The following PARD3B variants were observed in gnomAD, a reference collection of about 807,000 sequenced individuals.
PARD3B encodes the protein par-3 family cell polarity regulator beta.
Under a neutral mutation model 130.2 loss-of-function variants are expected in PARD3B, and 103 were observed. The observed-to-expected ratio is 0.79, with a 90% confidence interval of 0.67 to 0.93. PARD3B has a LOEUF of 0.93. Ranked by LOEUF, PARD3B falls within the 40% of genes least tolerant of loss-of-function variation. The pLI is 0.00. For synonymous variants in PARD3B, 583 were observed against 553.2 expected (o/e 1.05, Z -0.76); for missense variants, 1,609 against 1,499.2 (o/e 1.07, Z -1.21).
intron 1 of PARD3B, among the ~76,000 whole-genome samples, chr2:204,672,766 T>A (rs185128452): frequency 4.7e-4 from 72 of 152,288 alleles, no homozygotes; most frequent in African/African-American, 1.7e-3. Context: ...TTTTATTCTT[T>A]CCCAAGCCCA....
chr2:205,348,352 T>C (rs1051287820), intron 18 of PARD3B, among the ~76,000 whole-genome samples: 2 of 152,222 alleles, frequency 1.3e-5, no homozygotes, highest in Admixed American at 1.3e-4. Flanking sequence ...TCTCAATGTT[T>C]CAGCAACATG....
rs1030333737 is a variant in PARD3B at position 205,274,889 on chromosome 2, A to G, written c.2186-25641A>G. 1.3e-5 allele frequency among the ~76,000 whole-genome samples: 2 copies of G among 152,112 alleles called. No homozygotes were observed. The highest frequency in any genetic ancestry group is 2.9e-5 in the Non-Finnish European group (2 of 68,006). ...AAAACTGGTAAAAAGCAGAATTGTC[A>G]TTTTACTAAATATTCTTTCTTCAGC... On this transcript the variant is annotated intron_variant, in intron 16 of 22. Coordinates refer to ENST00000406610, the MANE Select transcript of PARD3B (RefSeq NM_001302769.2). The surrounding 1 kb of genome is among the most constrained non-coding windows in gnomAD (Gnocchi z 4.2).
intron 2 of PARD3B, among the ~76,000 whole-genome samples, chr2:204,880,681 A>AAAAC (rs2046011343): frequency 1.4e-5 from 2 of 145,092 alleles, no homozygotes; most frequent in Non-Finnish European, 3.0e-5. Flanking sequence ...AAAAAAAAAA[A>AAAAC]ATACAGCAGA....
intron 1 of PARD3B, among the ~76,000 whole-genome samples, chr2:204,555,326 G>A (rs1321728534): frequency 1.3e-5 from 2 of 152,114 alleles, no homozygotes; most frequent in African/African-American, 4.8e-5. Flanking sequence ...TGGGGGCTGA[G>A]GTGGGCGAAT....
Position 205,363,453 on chromosome 2 carries a change from C to T in PARD3B, c.2631-37560C>T, listed in dbSNP as rs535601333. Among the ~76,000 whole-genome samples, 15 of 152,216 alleles carry T rather than the reference C, an allele frequency of 9.9e-5. No individual in the cohort carries two copies. In the South Asian group the frequency reaches 2.1e-3, roughly 21 times the overall value. On this transcript the variant is annotated intron_variant, in intron 18 of 22. Coordinates refer to ENST00000406610, the MANE Select transcript of PARD3B (RefSeq NM_001302769.2). ...AGGTCAACAAATTGACTAAGACATA[C>T]GAAGCATTTAGTATAGTGCCCAGCA...
chr2:205,044,737 T>A (rs1468349899), intron 3 of PARD3B, among the ~76,000 whole-genome samples: 1 of 152,166 alleles, frequency 6.6e-6, no homozygotes, highest in African/African-American at 2.4e-5. Flanking sequence ...GAAAATTTTC[T>A]CCCATTTTGT....
At chr2:205,273,026 C>T (rs1465282928) in intron 16 of PARD3B, among the ~76,000 whole-genome samples, 6 of 152,022 alleles carry the variant, frequency 3.9e-5, no homozygotes, top group Non-Finnish European at 7.4e-5. Context: ...TCAGTTTTTC[C>T]CCTAAATTTA....
At chr2:205,195,105 T>C (rs1227844382) in intron 15 of PARD3B, among the ~76,000 whole-genome samples, 1 of 152,092 alleles carries the variant, frequency 6.6e-6, no homozygotes, top group African/African-American at 2.4e-5. Context: ...AGCCGTTTTG[T>C]TTACATTTTT....
chr2:205,121,650 C>T lies in PARD3B; in HGVS notation c.866C>T (p.Pro289Leu). 2 of 1,614,180 alleles carry T rather than the reference C, an allele frequency of 1.2e-6. No homozygotes were observed. Among genetic ancestry groups the T allele is most frequent in the South Asian group, 1.1e-5 (1 of 91,078 alleles). ...CCAAGTGTGCTCCTCCACGTGCTTC[C>T]TCCACAAAACCGTGAACAGTATGAA... ...KSPSVLLHVL[P>L]PQNREQYEKS... The change falls in exon 8 of 23, where the codon CCT (proline) becomes CTT (leucine). Residue 289 changes from proline to leucine, a missense_variant. By Grantham distance (98) the Pro-to-Leu change is moderately conservative. Transcript: ENST00000406610. This position sits in a 1 kb window ranked among gnomAD's most constrained non-coding sequence, Gnocchi z 5.0.
intron 2 of PARD3B, among the ~76,000 whole-genome samples, chr2:204,864,549 C>G (rs1478771124): frequency 6.6e-6 from 1 of 152,130 alleles, no homozygotes; most frequent in African/African-American, 2.4e-5. Context: ...CAAAGTCCCC[C>G]TATTCAAAGA....
intron 3 of PARD3B, among the ~76,000 whole-genome samples, chr2:204,998,335 T>TACATATATATATATATAC (rs1361578552): frequency 3.2e-5 from 2 of 62,266 alleles, no homozygotes; most frequent in Non-Finnish European, 2.9e-5. Flanking sequence ...TATATATATA[T>TACATATATATATATATAC]ATATATATAT....
chr2:205,588,701 C>T (rs1429366701), intron 22 of PARD3B, among the ~76,000 whole-genome samples: 1 of 152,140 alleles, frequency 6.6e-6, no homozygotes, highest in East Asian at 1.9e-4. Context: ...AAAATTGATA[C>T]ATTTATTGTA....
chr2:204,864,861 C>T (rs566129443), intron 2 of PARD3B, among the ~76,000 whole-genome samples: 68 of 152,250 alleles, frequency 4.5e-4, no homozygotes, highest in African/African-American at 1.6e-3. Flanking sequence ...ACCAATAACA[C>T]TCTTCTGATG....
intron 2 of PARD3B, among the ~76,000 whole-genome samples, chr2:204,732,903 C>A (rs898589720): frequency 6.6e-6 from 1 of 152,196 alleles, no homozygotes; most frequent in African/African-American, 2.4e-5. Flanking sequence ...TCTGGACAGA[C>A]TTCACAATTG....
intron 21 of PARD3B, among the ~76,000 whole-genome samples, chr2:205,523,241 A>G (rs1039895613): frequency 1.4e-4 from 20 of 145,322 alleles, no homozygotes; most frequent in African/African-American, 3.3e-4. Context: ...ATATATATAT[A>G]TTTATATATA....
At chr2:205,109,524 A>G (rs953270623) in intron 5 of PARD3B, among the ~76,000 whole-genome samples, 5 of 152,214 alleles carry the variant, frequency 3.3e-5, no homozygotes, top group Non-Finnish European at 5.9e-5. Flanking sequence ...AGTTCTAACA[A>G]TCATACTAAT....
chr2:205,610,301 G>A (rs929492785), intron 22 of PARD3B, among the ~76,000 whole-genome samples: 1 of 152,136 alleles, frequency 6.6e-6, no homozygotes, highest in Non-Finnish European at 1.5e-5. Flanking sequence ...TGTAACTATG[G>A]TCATCACACC....
In PARD3B at chr2:205,300,816, A is replaced by G; in HGVS notation, c.2392+80A>G. 7.5e-7 allele frequency: 1 copy of G among 1,337,702 alleles called. No homozygotes were observed. The highest frequency in any genetic ancestry group is 1.3e-5 in the South Asian group (1 of 74,838). 82.9% of individuals were successfully genotyped at this position (1,337,702 alleles called of 1,614,324 possible). A position where few individuals can be genotyped will look rare whatever the true frequency, so the allele number is the denominator to read the frequency against. On this transcript the variant is annotated intron_variant, in intron 17 of 22. Coordinates refer to ENST00000406610, the MANE Select transcript of PARD3B (RefSeq NM_001302769.2). The surrounding 1 kb of genome is among the most constrained non-coding windows in gnomAD (Gnocchi z 4.1). ...CATGGGCAAGAATGTGTGCTCAACT[A>G]CAGAAAAAAATGATTTAAGGATCAC...
intron 18 of PARD3B, among the ~76,000 whole-genome samples, chr2:205,383,145 TCTAA>T (rs2045543193): frequency 7.7e-6 from 1 of 129,502 alleles, no homozygotes; most frequent in Non-Finnish European, 1.8e-5. Flanking sequence ...GATAGATCGA[TCTAA>T]ACTATGTCTA....
Sources: gnomAD v4.1 joint callset for allele counts (sites outside exome capture counted in the v4.1 genomes callset) on GRCh38, gnomAD v4.1.1 for gene constraint, Gnocchi (gnomAD v3.1) non-coding constraint, MANE v1.5 for transcripts, NCBI Gene and HGNC (gene_info 2026-07-23, HGNC 2026-07-21) for gene names.